Variants in SYNPR observed in about 807,000 individuals in gnomAD.
SYNPR encodes the protein synaptoporin.
In SYNPR, 23 loss-of-function variants were observed where a neutral mutation model predicts 32.9. That is an observed-to-expected ratio of 0.70 (90% CI 0.50 to 0.99). SYNPR has a LOEUF of 0.99. Ranked by LOEUF, SYNPR falls within the 50% of genes least tolerant of loss-of-function variation. The pLI is 0.00. For missense variants in SYNPR, 318 were observed against 349.3 expected, an observed-to-expected ratio of 0.91 and a Z score of 0.71; for synonymous variants, 146 against 135.9, an observed-to-expected ratio of 1.07 and a Z score of -0.52.
In SYNPR at chr3:63,398,575, G is replaced by A. The variant is rs191294030; in HGVS notation, c.85-82257G>A. ...ATATTAAAAAAAAAAAAAATTAGCC[G>A]GGCACAGTGGTGGGCACCTGTACTC... On this transcript the variant is annotated intron_variant, in intron 2 of 5. Coordinates refer to ENST00000478300, the MANE Select transcript of SYNPR (RefSeq NM_001130003.2). Among the ~76,000 whole-genome samples, 256 of 151,890 alleles carry A rather than the reference G, an allele frequency of 1.7e-3. 4 individuals carry two copies. The highest frequency in any genetic ancestry group is 0.01 in the Middle Eastern group (3 of 294).
chr3:63,591,223 C>T (rs897553194), intron 4 of SYNPR, among the ~76,000 whole-genome samples: 1 of 136,770 alleles, frequency 7.3e-6, no homozygotes, highest in African/African-American at 2.8e-5. Context: ...TCATCACTGG[C>T]CATCAGAGAA....
chr3:63,442,677 C>G (rs182087034), intron 2 of SYNPR, among the ~76,000 whole-genome samples: 61 of 152,240 alleles, frequency 4.0e-4, no homozygotes, highest in Middle Eastern at 6.8e-3. Flanking sequence ...TTGCAGGAGA[C>G]GTCTTTAAGT....
intron 2 of SYNPR, among the ~76,000 whole-genome samples, chr3:63,361,598 CAAAAA>C (rs34536474): frequency 1.3e-5 from 1 of 78,876 alleles, no homozygotes. Context: ...ACTCTGTCTC[CAAAAA>C]AAAAAAAAAA....
intron 3 of SYNPR, among the ~76,000 whole-genome samples, chr3:63,509,835 A>G (rs73114726): frequency 0.033 from 4,969 of 152,222 alleles, 112 homozygotes; most frequent in Middle Eastern, 0.054. Context: ...TTTTTGTTAA[A>G]ATTAAGCATT....
At chr3:63,443,331 T>C in intron 2 of SYNPR, 1 of 1,519,126 alleles carries the variant, frequency 6.6e-7, no homozygotes, top group Non-Finnish European at 8.8e-7. Flanking sequence ...CTCCTTTGCT[T>C]CATAAAAAGA....
intron 3 of SYNPR, among the ~76,000 whole-genome samples, chr3:63,483,418 T>C (rs1701084774): frequency 6.6e-6 from 1 of 152,188 alleles, no homozygotes; most frequent in Admixed American, 6.5e-5. Flanking sequence ...TGCACCTATA[T>C]GTATGTGTGT....
intron 2 of SYNPR, among the ~76,000 whole-genome samples, chr3:63,455,329 G>A (rs1700460627): frequency 1.3e-5 from 2 of 152,116 alleles, no homozygotes. Flanking sequence ...CTGGACTCTA[G>A]AATGGCCTGA....
intron 2 of SYNPR, among the ~76,000 whole-genome samples, chr3:63,380,699 C>G (rs1207058265): frequency 6.6e-6 from 1 of 152,078 alleles, no homozygotes. Context: ...AAAAGCTTAT[C>G]CACCATGATC....
intron 2 of SYNPR, among the ~76,000 whole-genome samples, chr3:63,295,916 T>G (rs2086788416): frequency 6.6e-6 from 1 of 152,206 alleles, no homozygotes; most frequent in Non-Finnish European, 1.5e-5. Flanking sequence ...TTTGCTTTTT[T>G]TATTTGTTTT....
intron 3 of SYNPR, among the ~76,000 whole-genome samples, chr3:63,504,647 G>T (rs998995056): frequency 3.9e-5 from 6 of 152,094 alleles, no homozygotes; most frequent in Middle Eastern, 3.4e-3. Context: ...AAAAGAGATT[G>T]CCACAAAATT....
chr3:63,400,781 T>C (rs1283859214), intron 2 of SYNPR, among the ~76,000 whole-genome samples: 1 of 152,194 alleles, frequency 6.6e-6, no homozygotes, highest in Non-Finnish European at 1.5e-5. Context: ...CTAGGTTAAC[T>C]CATCAAATTG....
chr3:63,451,263 C>T (rs1309611487), intron 2 of SYNPR, among the ~76,000 whole-genome samples: 3 of 152,138 alleles, frequency 2.0e-5, no homozygotes, highest in Non-Finnish European at 4.4e-5. Context: ...TATCAGTTTT[C>T]ATTCCATGCC....
At chr3:63,495,722 T>C (rs1459034282) in intron 3 of SYNPR, among the ~76,000 whole-genome samples, 1 of 152,186 alleles carries the variant, frequency 6.6e-6, no homozygotes, top group Non-Finnish European at 1.5e-5. Context: ...GGTTTTTTTC[T>C]GTTCTAAAAT....
intron 2 of SYNPR, among the ~76,000 whole-genome samples, chr3:63,452,366 C>T (rs527661010): frequency 6.6e-6 from 1 of 152,212 alleles, no homozygotes; most frequent in East Asian, 1.9e-4. Flanking sequence ...ATCTTGGGTA[C>T]TAATTATGTG....
In SYNPR at chr3:63,479,974, G is replaced by C. The variant is rs551875834; in HGVS notation, c.85-858G>C. Among the ~76,000 whole-genome samples the C allele has an allele frequency of 2.6e-5, 4 of 152,276 alleles. No individual in the cohort carries two copies. In the South Asian group the frequency reaches 8.3e-4, roughly 32 times the overall value. On this transcript the variant is annotated intron_variant, in intron 2 of 5. Transcript: ENST00000478300. Reference sequence around the variant, plus strand: ...GGAATACTGCAGCATGTTAGTGTTAGGTGCATTTGATCGACTTCCTTTAGA... The same window carrying C: ...GGAATACTGCAGCATGTTAGTGTTACGTGCATTTGATCGACTTCCTTTAGA...
At chr3:63,551,725 G>C (rs2106821427) in intron 3 of SYNPR, among the ~76,000 whole-genome samples, 1 of 151,996 alleles carries the variant, frequency 6.6e-6, no homozygotes, top group East Asian at 1.9e-4. Context: ...ACTTCCATAG[G>C]GAATCTTACC....
intron 2 of SYNPR, among the ~76,000 whole-genome samples, chr3:63,313,524 C>T (rs140052805): frequency 0.011 from 1,666 of 150,690 alleles, 34 homozygotes; most frequent in African/African-American, 0.039. Flanking sequence ...ATCCAGGTCA[C>T]TGCAAATGCT....
intron 4 of SYNPR, among the ~76,000 whole-genome samples, chr3:63,573,854 C>T (rs533054265): frequency 1.9e-4 from 29 of 152,182 alleles, no homozygotes; most frequent in African/African-American, 5.3e-4. Flanking sequence ...AGGATGCCGC[C>T]GCCAAATTGA....
chr3:63,452,056 T>C, intron 2 of SYNPR: 1 of 701,940 alleles, frequency 1.4e-6, no homozygotes, highest in Non-Finnish European at 2.6e-6. Context: ...TTTCTCCCAC[T>C]GCCTTCACAC....
Sources: allele counts gnomAD v4.1 joint callset (sites outside exome capture counted in the v4.1 genomes callset), GRCh38; gene constraint gnomAD v4.1.1; transcripts MANE v1.5; gene names NCBI Gene and HGNC (gene_info 2026-07-23, HGNC 2026-07-21).